HNRNPU: variants seen among roughly 807,000 people sequenced by gnomAD.
HNRNPU encodes the protein HNRNPU antisense RNA 1.
A neutral mutation model predicts 94.7 loss-of-function variants in HNRNPU; 5 were observed. The observed-to-expected ratio is 0.05, with a 90% CI of 0.03 to 0.11. The LOEUF (loss-of-function observed/expected upper bound fraction) is 0.11, where lower values mean the gene tolerates loss of function less well. Ranked by LOEUF, HNRNPU falls within the 10% of genes least tolerant of loss-of-function variation. The pLI, the probability that HNRNPU is intolerant of heterozygous loss-of-function variation, is 1.00. For synonymous variants in HNRNPU, 434 were observed against 381.6 expected, an observed-to-expected ratio of 1.14 and a Z score of -1.60; for missense variants, 710 against 1,049.2, an observed-to-expected ratio of 0.68 and a Z score of 4.47.
Position 244,858,407 on chromosome 1 carries a change from G to A in HNRNPU, c.1231-133C>T, listed in dbSNP as rs1229760253. 6.6e-6 allele frequency: 5 copies of A among 759,874 alleles called. No homozygotes were observed. In the Admixed American group the frequency reaches 1.5e-4, roughly 22 times the overall value. The allele number at this position is 759,874 out of a possible 1,614,324, so 47.1% of individuals were successfully genotyped here. A position where few individuals can be genotyped will look rare whatever the true frequency, so the allele number is the denominator to read the frequency against. On this transcript the variant is annotated intron_variant, in intron 6 of 13. Coordinates refer to ENST00000640218, the MANE Select transcript of HNRNPU (RefSeq NM_031844.3). ...AAAGAACTATTAGGTGGCCTTTAAG[G>A]GCTACACAGTTAAGAAATCTGATGG...
intron 1 of HNRNPU, 46 bp downstream of exon 1, chr1:244,863,571 C>T: frequency 7.3e-7 from 1 of 1,373,456 alleles, no homozygotes; most frequent in Non-Finnish European, 9.3e-7. Flanking sequence ...CGGTCCCCAC[C>T]CCGCGCGGGC....
In HNRNPU at chr1:244,856,708, A is replaced by T. The variant is rs1449168514; in HGVS notation, c.1743+20T>A. On this transcript the variant is annotated intron_variant, in intron 9 of 13. Transcript: ENST00000640218. ...CTAAATTATCAGTTAATATTTTTCA[A>T]TTTCAAAGCTACAGCGTACCTGATC... The T allele has an allele frequency of 6.2e-7, 1 of 1,605,816 alleles. No homozygotes were observed.
At chr1:244,855,705 T>G in intron 11 of HNRNPU, 97 bp from the exon 12 acceptor site, 1 of 1,395,170 alleles carries the variant, frequency 7.2e-7, no homozygotes, top group Non-Finnish European at 9.8e-7. Context: ...TCTCCAAAAA[T>G]AATTGTTTAA....
chr1:244,858,071 G>C lies in HNRNPU; in HGVS notation c.1434C>G (p.Asn478Lys), dbSNP rs778730784. ...PIPEEYTFIQ[N>K]VPLEDRVRGP... The stretch of plus-strand genomic sequence containing the variant: ...CTCTAACTCGATCCTCTAAGGGGAC[G>C]TTCTGGATGAAAGTATACTCTTCAG... The change falls in exon 7 of 14, where the codon AAC (asparagine) becomes AAG (lysine). Residue 478 changes from asparagine to lysine, a missense_variant. Physicochemically the swap from Asn to Lys is moderately conservative, Grantham distance 94. Transcript: ENST00000640218. The C allele has an allele frequency of 1.2e-6, 2 of 1,613,634 alleles. No individual in the cohort carries two copies. The highest frequency in any genetic ancestry group is 8.5e-7 in the Non-Finnish European group (1 of 1,179,864).
At chr1:244,855,726 A>T in intron 11 of HNRNPU, 118 bp from the exon 12 acceptor site, 1 of 1,320,496 alleles carries the variant, frequency 7.6e-7, no homozygotes, top group Non-Finnish European at 1.0e-6. Context: ...AGACAAAAGA[A>T]ATGTTTAATT....
At chr1:244,855,125 T>G in intron 12 of HNRNPU, 81 bp from the exon 13 acceptor site, 1 of 1,093,814 alleles carries the variant, frequency 9.1e-7, no homozygotes, top group Non-Finnish European at 1.4e-6. Flanking sequence ...GGAGCAGAAA[T>G]GGACAGGTTG....
At chr1:244,854,662 C>T in intron 13 of HNRNPU, 159 bp from the exon 14 acceptor site, 2 of 615,498 alleles carry the variant, frequency 3.2e-6, no homozygotes, top group South Asian at 4.1e-5. Context: ...GTTTTAATAT[C>T]CCATAATTAT....
intron 3 of HNRNPU, 106 bp from the exon 4 acceptor site, chr1:244,860,580 G>T: frequency 1.2e-6 from 1 of 812,780 alleles, no homozygotes; most frequent in Non-Finnish European, 1.9e-6. Context: ...TCTTAATGCT[G>T]CACAACTTTT....
intron 3 of HNRNPU, chr1:244,861,527 A>T (rs1680828213): frequency 6.6e-6 from 1 of 152,224 alleles, no homozygotes; most frequent in Non-Finnish European, 1.5e-5. Context: ...AGGATATTCC[A>T]GTAAGAAAGA....
intron 4 of HNRNPU, 30 bp downstream of exon 4, chr1:244,860,305 C>G (rs778250170): frequency 1.3e-6 from 2 of 1,597,384 alleles, no homozygotes; most frequent in East Asian, 4.5e-5. Context: ...TCTCCACAAA[C>G]AAACAAACAA....
rs1558183412 is a variant in HNRNPU at position 244,850,300 on chromosome 1, G to C, written c.*4150C>G. ...ACAAAGGTCACTCCAACATGAGTTA[G>C]CTGGACAAAGTACTTTTAATGCTTA... On this transcript the variant is annotated 3_prime_UTR_variant, in exon 14 of 14. Coordinates refer to ENST00000640218, the MANE Select transcript of HNRNPU (RefSeq NM_031844.3). The C allele has an allele frequency of 6.6e-6, 1 of 152,088 alleles. No homozygotes were observed. The highest frequency in any genetic ancestry group is 2.4e-5 in the African/African-American group (1 of 41,390). The allele number at this position is 152,088 out of a possible 1,614,324, so 9.4% of individuals were successfully genotyped here.
At position 244,863,671 on chromosome 1, in the gene HNRNPU, T is replaced by C; in HGVS notation, c.637A>G (p.Lys213Glu). Residue 213 changes from lysine to glutamate, a missense_variant, in exon 1 of 14, where the codon AAG becomes GAG. This residue lies in a region of HNRNPU where 292 missense variants were observed against 293.4 expected (regional missense o/e 1.00). Coordinates refer to ENST00000640218, the MANE Select transcript of HNRNPU (RefSeq NM_031844.3). ...CCTCCGCCGCCTTCCGCCTTCTTCT[T>C]ACCTCCCGCCTGCTGCTGGCCCTGC... ...ARQGQQQAGG[K>E]KKAEGGGGGG... 1 of 1,561,812 alleles carries C rather than the reference T, an allele frequency of 6.4e-7. No individual in the cohort carries two copies. The highest frequency in any genetic ancestry group is 1.1e-5 in the South Asian group (1 of 87,586).
Position 244,858,086 on chromosome 1 carries a change from A to G in HNRNPU, c.1419T>C (p.Tyr473=). The G allele has an allele frequency of 6.2e-7, 1 of 1,613,998 alleles. No homozygotes were observed. The highest frequency in any genetic ancestry group is 1.1e-5 in the South Asian group (1 of 91,080). The change falls in exon 7 of 14, where the codon TAT becomes TAC. Residue 473 remains tyrosine, a synonymous_variant. Coordinates refer to ENST00000640218, the MANE Select transcript of HNRNPU (RefSeq NM_031844.3). ...CTAAGGGGACGTTCTGGATGAAAGT[A>G]TACTCTTCAGGTATTGGAAAATATG... ...EKPYFPIPEE[Y]TFIQNVPLED... is the part of the protein sequence containing the mutation.
intron 12 of HNRNPU, 73 bp from the exon 13 acceptor site, chr1:244,855,117 A>G: frequency 8.4e-7 from 1 of 1,184,336 alleles, no homozygotes. Context: ...GAGAGAGAGG[A>G]GCAGAAATGG....
At position 244,852,462 on chromosome 1, in the gene HNRNPU, C is replaced by T. The variant is rs1048265978; in HGVS notation, c.*1988G>A. ...AACTTTTTAAAGGCACAAAGGACAACTTTAGGACACAACACTGATTAGCAT... is the reference window on the plus strand; with the variant it reads ...AACTTTTTAAAGGCACAAAGGACAATTTTAGGACACAACACTGATTAGCAT... On this transcript the variant is annotated 3_prime_UTR_variant, in exon 14 of 14. Coordinates refer to ENST00000640218, the MANE Select transcript of HNRNPU (RefSeq NM_031844.3). The T allele has an allele frequency of 6.6e-6, 1 of 152,118 alleles. No homozygotes were observed. Among genetic ancestry groups the T allele is most frequent in the African/African-American group, 2.4e-5 (1 of 41,430 alleles). 9.4% of individuals were successfully genotyped at this position (152,118 alleles called of 1,614,324 possible).
chr1:244,863,704 C>A lies in HNRNPU; in HGVS notation c.604G>T (p.Gly202Trp). The change falls in exon 1 of 14, where the codon GGG becomes TGG. Residue 202 changes from glycine (G) to tryptophan (W), a missense_variant. Physicochemically the swap from Gly to Trp is radical, Grantham distance 184 (BLOSUM62 -2). Around this residue, in one of 8 missense-constraint regions of HNRNPU, gnomAD observed 292 missense variants for 293.4 expected, o/e 1.00. Coordinates refer to ENST00000640218, the MANE Select transcript of HNRNPU (RefSeq NM_031844.3). Reference sequence around the variant, plus strand: ...GCCTGCTGCTGGCCCTGCCTCGCCCCGGGCGGCGCCACCGTCACCGCGAAC... The same window carrying A: ...GCCTGCTGCTGGCCCTGCCTCGCCCAGGGCGGCGCCACCGTCACCGCGAAC... ...SLFAVTVAPP[G>W]ARQGQQQAGG... 6.4e-7 allele frequency: 1 copy of A among 1,564,610 alleles called. No homozygotes were observed.
At chr1:244,862,422 C>T (rs770761437) in intron 3 of HNRNPU, 39 bp downstream of exon 3, 2 of 1,034,590 alleles carry the variant, frequency 1.9e-6, no homozygotes, top group Non-Finnish European at 2.9e-6. Flanking sequence ...AAACCACCAT[C>T]ACCGCATTTC....
In HNRNPU at chr1:244,858,683, G is replaced by A. The variant is rs983705973; in HGVS notation, c.1230+46C>T. ...AGCTTCTTTAAAGTTCCTAGATATA[G>A]CTACTAACTTTGCCATTTATACATA... On this transcript the variant is annotated intron_variant, in intron 6 of 13. Transcript: ENST00000640218. The A allele has an allele frequency of 5.0e-6, 5 of 990,440 alleles. No homozygotes were observed. The South Asian group carries it at 6.7e-5, about 13-fold the overall frequency. The allele number at this position is 990,440 out of a possible 1,614,324, so 61.4% of individuals were successfully genotyped here.
Position 244,852,874 on chromosome 1 carries a change from C to G in HNRNPU, c.*1576G>C, listed in dbSNP as rs542220051. The G allele has an allele frequency of 2.2e-4, 34 of 152,696 alleles. No individual in the cohort carries two copies. The highest frequency in any genetic ancestry group is 7.7e-4 in the African/African-American group (32 of 41,552). 9.5% of individuals were successfully genotyped at this position (152,696 alleles called of 1,614,324 possible). ...AAATTTTAGTTCTACAGTTTGACTCCTGATTCCTCACTTCACATTGGTGAG... is the reference window on the plus strand; with the variant it reads ...AAATTTTAGTTCTACAGTTTGACTCGTGATTCCTCACTTCACATTGGTGAG... On this transcript the variant is annotated 3_prime_UTR_variant, in exon 14 of 14. Coordinates refer to ENST00000640218, the MANE Select transcript of HNRNPU (RefSeq NM_031844.3).
Sources: gnomAD v4.1 joint callset for allele counts on GRCh38, gnomAD v4.1.1 for gene constraint, gnomAD v4.1.1 regional missense constraint, MANE v1.5 for transcripts, NCBI Gene and HGNC (gene_info 2026-07-23, HGNC 2026-07-21) for gene names.